Variants in NCKAP5 observed in about 807,000 individuals in gnomAD.
NCKAP5 encodes the protein nck-associated protein 5.
Under a neutral mutation model 167.0 loss-of-function variants are expected in NCKAP5, and 92 were observed. The observed-to-expected ratio is 0.55, with a 90% confidence interval of 0.47 to 0.66. The LOEUF (loss-of-function observed/expected upper bound fraction) is 0.66. Among genes scored for constraint, NCKAP5 ranks in the 30% least tolerant of loss-of-function variants. The probability of loss-of-function intolerance (pLI) is 0.00; values close to 1 mark genes in which losing one functional copy is unlikely to be tolerated. For synonymous variants in NCKAP5, 891 were observed against 877.4 expected (o/e 1.02, Z -0.27); for missense variants, 2,378 against 2,315.0 (o/e 1.03, Z -0.56).
At chr2:133,151,026 T>G (rs1005013010) in intron 5 of NCKAP5, among the ~76,000 whole-genome samples, 12 of 152,204 alleles carry the variant, frequency 7.9e-5, no homozygotes, top group African/African-American at 2.9e-4. Flanking sequence ...ATTAGGCGTC[T>G]ACTGAAGGGG....
Position 132,895,901 on chromosome 2 carries a change from G to A in NCKAP5, c.580-16985C>T, listed in dbSNP as rs556347893. On this transcript the variant is annotated intron_variant, in intron 8 of 19. Transcript: ENST00000409261. ...TGTAATCCCAGCACTTTGTAAGGCC[G>A]AGGTGGGCAGATCACCTGAGGTCAG... Among the ~76,000 whole-genome samples, 5 of 151,868 alleles carry A rather than the reference G, an allele frequency of 3.3e-5. No homozygotes were observed. In the East Asian group the frequency reaches 5.8e-4, roughly 18 times the overall value.
chr2:132,783,747 C>A lies in NCKAP5; in HGVS notation c.3064G>T (p.Ala1022Ser), dbSNP rs1448730464. 1 of 1,601,846 alleles carries A rather than the reference C, an allele frequency of 6.2e-7. No individual in the cohort carries two copies. Among genetic ancestry groups the A allele is most frequent in the Non-Finnish European group, 8.5e-7 (1 of 1,174,548 alleles). ...PEAVIQTRCP[A>S]HAPSSSFTVM... is the part of the protein sequence containing the mutation. ...GTGAAGGAGCTGGAGGGGGCATGAG[C>A]AGGGCATCGGGTTTGAATGACTGCT... The change falls in exon 14 of 20, where the codon GCT becomes TCT. Residue 1022 changes from alanine (A) to serine (S), a missense_variant. This residue lies in a region of NCKAP5 where 1,325 missense variants were observed against 1,274.5 expected (regional missense o/e 1.04). Transcript: ENST00000409261.
At chr2:132,855,356 C>T (rs958720619) in intron 11 of NCKAP5, among the ~76,000 whole-genome samples, 4 of 152,248 alleles carry the variant, frequency 2.6e-5, no homozygotes, top group African/African-American at 9.6e-5. Context: ...AGTGGATACT[C>T]TGCCATCTGA....
chr2:133,059,507 C>A (rs2079919345), intron 6 of NCKAP5, among the ~76,000 whole-genome samples: 1 of 151,482 alleles, frequency 6.6e-6, no homozygotes, highest in South Asian at 2.1e-4. Flanking sequence ...CCTATCTCTA[C>A]AAAAAAATTA....
At chr2:132,876,163 C>T (rs1691254314) in intron 9 of NCKAP5, among the ~76,000 whole-genome samples, 1 of 152,174 alleles carries the variant, frequency 6.6e-6, no homozygotes, top group African/African-American at 2.4e-5. Flanking sequence ...TGGCTCACTG[C>T]AGCCTCGACC....
intron 3 of NCKAP5, among the ~76,000 whole-genome samples, chr2:133,416,617 C>T (rs1432340267): frequency 6.6e-6 from 1 of 151,634 alleles, no homozygotes; most frequent in South Asian, 2.1e-4. Flanking sequence ...AGGGCTAATG[C>T]TCAACTTGGC....
chr2:133,114,719 G>T (rs2082019431), intron 6 of NCKAP5, among the ~76,000 whole-genome samples: 1 of 151,884 alleles, frequency 6.6e-6, no homozygotes, highest in Non-Finnish European at 1.5e-5. Flanking sequence ...AAAAAAACAG[G>T]TCATTTGTTC....
chr2:132,986,897 G>T (rs13415663), intron 7 of NCKAP5, among the ~76,000 whole-genome samples: 16,065 of 152,134 alleles, frequency 0.11, 1,095 homozygotes, highest in South Asian at 0.18. Context: ...CCAAACTTAT[G>T]AATCCAGGAG....
intron 8 of NCKAP5, among the ~76,000 whole-genome samples, chr2:132,912,176 A>G (rs16843371): frequency 0.033 from 4,986 of 152,044 alleles, 270 homozygotes; most frequent in African/African-American, 0.11. Context: ...GGCACCTCCA[A>G]CAGGACCATA....
intron 6 of NCKAP5, among the ~76,000 whole-genome samples, chr2:133,039,393 G>A (rs563589462): frequency 6.6e-6 from 1 of 152,256 alleles, no homozygotes; most frequent in East Asian, 1.9e-4. Context: ...TAAACTGGAA[G>A]TAAAGATTTA....
intron 7 of NCKAP5, among the ~76,000 whole-genome samples, chr2:132,981,518 T>C (rs989735444): frequency 6.6e-6 from 1 of 152,206 alleles, no homozygotes; most frequent in African/African-American, 2.4e-5. Context: ...ACTTGCTTTT[T>C]TCCTCACTTC....
At chr2:133,498,158 T>C (rs1164655652) in intron 3 of NCKAP5, among the ~76,000 whole-genome samples, 1 of 152,140 alleles carries the variant, frequency 6.6e-6, no homozygotes, top group Admixed American at 6.5e-5. Flanking sequence ...TGTGGCTGTT[T>C]TTGTAAAAGC....
chr2:132,891,861 C>T (rs1231347610), intron 8 of NCKAP5, among the ~76,000 whole-genome samples: 1 of 152,158 alleles, frequency 6.6e-6, no homozygotes, highest in Admixed American at 6.5e-5. Context: ...GAAGTGACGG[C>T]GTGCTTTTCA....
At chr2:132,926,501 T>C (rs953880062) in intron 8 of NCKAP5, among the ~76,000 whole-genome samples, 3 of 152,206 alleles carry the variant, frequency 2.0e-5, no homozygotes, top group African/African-American at 7.2e-5. Context: ...AGTATAAAAA[T>C]GCTCTCTTTT....
chr2:132,982,755 CAT>C (rs1416151595), intron 7 of NCKAP5, among the ~76,000 whole-genome samples: 5 of 152,142 alleles, frequency 3.3e-5, no homozygotes, highest in Non-Finnish European at 7.4e-5. Flanking sequence ...TAAGTGACAA[CAT>C]GTGGTATTTT....
intron 8 of NCKAP5, among the ~76,000 whole-genome samples, chr2:132,880,388 G>A (rs1474577158): frequency 1.3e-5 from 2 of 152,180 alleles, no homozygotes; most frequent in East Asian, 3.9e-4. Context: ...CCAGCACTTT[G>A]GGAGGCAGAG....
chr2:133,274,835 G>T (rs372246916), intron 4 of NCKAP5, among the ~76,000 whole-genome samples: 1 of 151,716 alleles, frequency 6.6e-6, no homozygotes, highest in African/African-American at 2.4e-5. Flanking sequence ...CCTAAACTCA[G>T]ATTAAAAACT....
At chr2:133,603,087 A>G in the NCKAP5 span, among the ~76,000 whole-genome samples, 10 of 152,206 alleles carry the variant, frequency 6.6e-5, no homozygotes, top group African/African-American at 2.2e-4. Flanking sequence ...ATAGCCAAAA[A>G]GTTAAAACCA....
At chr2:133,358,290 A>G (rs1301072326) in intron 3 of NCKAP5, among the ~76,000 whole-genome samples, 2 of 151,962 alleles carry the variant, frequency 1.3e-5, no homozygotes, top group Non-Finnish European at 2.9e-5. Context: ...TAAGTGTTGA[A>G]CCAGGCTGAG....
Sources: gnomAD v4.1 joint callset for allele counts (sites outside exome capture counted in the v4.1 genomes callset) on GRCh38, gnomAD v4.1.1 for gene constraint, gnomAD v4.1.1 regional missense constraint, MANE v1.5 for transcripts, NCBI Gene and HGNC (gene_info 2026-07-23, HGNC 2026-07-21) for gene names.